Variants in IFT80 observed in about 807,000 individuals in gnomAD.
IFT80 encodes the protein intraflagellar transport protein 80 homolog.
IFT80 carries 79 observed loss-of-function variants against 107.9 expected under a neutral mutation model. That is an observed-to-expected ratio of 0.73 (90% CI 0.61 to 0.88). The LOEUF is 0.88. Ranked by LOEUF, IFT80 falls within the 40% of genes least tolerant of loss-of-function variation. The pLI, the probability that IFT80 is intolerant of heterozygous loss-of-function variation, is 0.00. For synonymous variants in IFT80, 299 were observed against 300.9 expected, an observed-to-expected ratio of 0.99 and a Z score of 0.07; for missense variants, 797 against 914.2, an observed-to-expected ratio of 0.87 and a Z score of 1.65.
At chr3:160,356,660 T>C (rs1721113185) in intron 7 of IFT80, among the ~76,000 whole-genome samples, 1 of 152,140 alleles carries the variant, frequency 6.6e-6, no homozygotes, top group African/African-American at 2.4e-5. Flanking sequence ...AAGCAAGGAC[T>C]ACAGGTACAT....
chr3:160,354,445 C>T (rs1335997641), intron 8 of IFT80, among the ~76,000 whole-genome samples: 1 of 151,880 alleles, frequency 6.6e-6, no homozygotes, highest in Non-Finnish European at 1.5e-5. Context: ...GTCAGGAGAT[C>T]GAGACCATCC....
chr3:160,285,418 C>T (rs2108240014), intron 13 of IFT80, among the ~76,000 whole-genome samples: 1 of 152,038 alleles, frequency 6.6e-6, no homozygotes, highest in Non-Finnish European at 1.5e-5. Flanking sequence ...AGTCTTAAAA[C>T]CTAAAGAAAA....
intron 8 of IFT80, among the ~76,000 whole-genome samples, chr3:160,332,413 G>T (rs1287581329): frequency 2.0e-5 from 3 of 152,142 alleles, no homozygotes; most frequent in African/African-American, 7.2e-5. Context: ...TACCTAGGTG[G>T]GTTTCCCCTG....
intron 8 of IFT80, among the ~76,000 whole-genome samples, chr3:160,349,485 A>G (rs1036396776): frequency 1.3e-5 from 2 of 152,032 alleles, no homozygotes; most frequent in African/African-American, 4.8e-5. Flanking sequence ...CACCTCAACT[A>G]AAAATTTGTG....
intron 6 of IFT80, among the ~76,000 whole-genome samples, chr3:160,361,286 T>G (rs1721471444): frequency 6.6e-6 from 1 of 152,190 alleles, no homozygotes. Context: ...AGAAGGCCAT[T>G]ACCTAATGGT....
rs571928839 is a variant in IFT80, at chr3:160,273,379, T to G, written c.2099+3927A>C. 1.2e-4 allele frequency among the ~76,000 whole-genome samples: 18 copies of G among 150,528 alleles called. No homozygotes were observed. The South Asian group carries it at 3.6e-3, about 30-fold the overall frequency. On this transcript the variant is annotated intron_variant, in intron 18 of 19. Coordinates refer to ENST00000326448, the MANE Select transcript of IFT80 (RefSeq NM_020800.3). ...CTATGACTGCAGAGTGAAGAATGGGTAGGAAAGAGACAGAGTAGATATAGG... is the reference window on the plus strand; with the variant it reads ...CTATGACTGCAGAGTGAAGAATGGGGAGGAAAGAGACAGAGTAGATATAGG...
intron 3 of IFT80, among the ~76,000 whole-genome samples, chr3:160,378,830 C>T (rs981458417): frequency 2.0e-5 from 3 of 151,896 alleles, no homozygotes; most frequent in African/African-American, 7.3e-5. Flanking sequence ...GAAGCTCTTC[C>T]TTGGAGTAGA....
At chr3:160,288,129 G>A (rs1715240930) in intron 12 of IFT80, among the ~76,000 whole-genome samples, 1 of 152,170 alleles carries the variant, frequency 6.6e-6, no homozygotes, top group Non-Finnish European at 1.5e-5. Context: ...TGGATCACAA[G>A]GTCAGGAGAT....
chr3:160,335,234 CTTTTTTTT>C (rs547574888), intron 8 of IFT80, among the ~76,000 whole-genome samples: 1 of 136,600 alleles, frequency 7.3e-6, no homozygotes, highest in African/African-American at 2.7e-5. Flanking sequence ...TTCTTTTTTT[CTTTTTTTT>C]TTTTTTGAGA....
At chr3:160,281,724 TA>T (rs1559917334) in intron 14 of IFT80, among the ~76,000 whole-genome samples, 4 of 152,062 alleles carry the variant, frequency 2.6e-5, no homozygotes, top group Admixed American at 6.5e-5. Flanking sequence ...ACTGGAGTGG[TA>T]AGGGAAAAAC....
At chr3:160,355,545 C>T (rs577764714) in intron 8 of IFT80, among the ~76,000 whole-genome samples, 2 of 152,266 alleles carry the variant, frequency 1.3e-5, no homozygotes, top group South Asian at 4.2e-4. Flanking sequence ...AACACCACAT[C>T]CAGCCATGTC....
intron 1 of IFT80, among the ~76,000 whole-genome samples, chr3:160,396,079 C>A (rs1713758328): frequency 6.6e-6 from 1 of 152,016 alleles, no homozygotes; most frequent in South Asian, 2.1e-4. Flanking sequence ...TCTACCTCTA[C>A]TGCTTGTTGA....
chr3:160,273,547 A>G (rs754242384), intron 18 of IFT80, among the ~76,000 whole-genome samples: 1 of 152,198 alleles, frequency 6.6e-6, no homozygotes, highest in Non-Finnish European at 1.5e-5. Flanking sequence ...GTTAAAAGTA[A>G]CTTCTACGTT....
rs374331234 is a variant in IFT80, at chr3:160,301,124, T to C, written c.1152-78A>G. The C allele has an allele frequency of 6.2e-6, 8 of 1,296,640 alleles. No homozygotes were observed. The African/African-American group carries it at 7.6e-5, about 12-fold the overall frequency. 80.3% of individuals were successfully genotyped at this position (1,296,640 alleles called of 1,614,324 possible). Reference sequence around the variant, plus strand: ...TGTTTTCATATTACAGAATAGTTTATCCTTGGGAAAAAAAATCTAAATCTT... The same window carrying C: ...TGTTTTCATATTACAGAATAGTTTACCCTTGGGAAAAAAAATCTAAATCTT... On this transcript the variant is annotated intron_variant, in intron 11 of 19. Transcript: ENST00000326448.
At chr3:160,357,628 G>A in intron 6 of IFT80, 50 bp from the exon 7 acceptor site, 1 of 1,191,600 alleles carries the variant, frequency 8.4e-7, no homozygotes, top group Non-Finnish European at 1.2e-6. Flanking sequence ...AAGCACTTAA[G>A]TTTTTTTCTG....
At chr3:160,326,284 CA>C (rs1028829474) in intron 8 of IFT80, among the ~76,000 whole-genome samples, 16 of 151,802 alleles carry the variant, frequency 1.1e-4, no homozygotes. Context: ...GGAACTATTC[CA>C]AAAAATTAAA....
chr3:160,257,560 CCTT>C lies in IFT80; in HGVS notation c.*962_*964del, dbSNP rs1199044719. The C allele has an allele frequency of 6.6e-6, 1 of 152,136 alleles. No homozygotes were observed. The highest frequency in any genetic ancestry group is 1.5e-5 in the Non-Finnish European group (1 of 68,038). The allele number at this position is 152,136 out of a possible 1,614,324, so 9.4% of individuals were successfully genotyped here. A position where few individuals can be genotyped will look rare whatever the true frequency, so the allele number is the denominator to read the frequency against. ...AAGTCAAGAGAGGAATGAGGAGAAT[CCTT>C]CTTGCCCATTCTAGATATATTTTTT... On this transcript the variant is annotated 3_prime_UTR_variant, in exon 20 of 20. Coordinates refer to ENST00000326448, the MANE Select transcript of IFT80 (RefSeq NM_020800.3).
chr3:160,263,320 T>C (rs1713014992), intron 19 of IFT80, among the ~76,000 whole-genome samples: 2 of 152,198 alleles, frequency 1.3e-5, no homozygotes. Context: ...AGTAACTTCC[T>C]AACTAGTCTC....
intron 19 of IFT80, among the ~76,000 whole-genome samples, chr3:160,265,435 T>C (rs893902322): frequency 2.1e-4 from 32 of 152,210 alleles, no homozygotes; most frequent in African/African-American, 7.2e-4. Flanking sequence ...TTTTTCTTTT[T>C]CCTAGCAAAT....
Sources: allele counts gnomAD v4.1 joint callset (sites outside exome capture counted in the v4.1 genomes callset), GRCh38; gene constraint gnomAD v4.1.1; transcripts MANE v1.5; gene names NCBI Gene and HGNC (gene_info 2026-07-23, HGNC 2026-07-21).